IFT88: variants seen among roughly 807,000 people sequenced by gnomAD.
IFT88 encodes intraflagellar transport 88.
IFT88 carries 74 observed loss-of-function variants against 119.5 expected under a neutral mutation model. That is an observed-to-expected ratio of 0.62 (90% CI 0.51 to 0.75). IFT88 has a LOEUF of 0.75. Ranked by LOEUF, IFT88 falls within the 30% of genes least tolerant of loss-of-function variation. The pLI, the probability that IFT88 is intolerant of heterozygous loss-of-function variation, is 0.00. For synonymous variants in IFT88, 279 were observed against 316.7 expected, an observed-to-expected ratio of 0.88 and a Z score of 1.26; for missense variants, 961 against 977.7, an observed-to-expected ratio of 0.98 and a Z score of 0.23.
chr13:20,586,921 C>T (rs1377967844), intron 3 of IFT88, among the ~76,000 whole-genome samples: 2 of 151,478 alleles, frequency 1.3e-5, no homozygotes, highest in African/African-American at 2.4e-5. Flanking sequence ...TTTTTAACCT[C>T]TAATTACATT....
chr13:20,623,090 C>A (rs1206918500), intron 14 of IFT88, among the ~76,000 whole-genome samples: 2 of 152,160 alleles, frequency 1.3e-5, no homozygotes, highest in African/African-American at 4.8e-5. Flanking sequence ...CACTGAATAG[C>A]GTTGGCATCC....
chr13:20,669,527 G>A (rs2055415629), intron 23 of IFT88, among the ~76,000 whole-genome samples: 1 of 151,256 alleles, frequency 6.6e-6, no homozygotes, highest in African/African-American at 2.4e-5. Context: ...AGGTTCAAGC[G>A]ATTCTTCTGC....
At chr13:20,667,733 C>T (rs921243115) in intron 23 of IFT88, among the ~76,000 whole-genome samples, 3 of 151,864 alleles carry the variant, frequency 2.0e-5, no homozygotes, top group East Asian at 1.9e-4. Context: ...TGAGCCACCG[C>T]GCCCAGCCCA....
chr13:20,686,344 AT>A, intron 24 of IFT88, among the ~76,000 whole-genome samples: 1 of 152,354 alleles, frequency 6.6e-6, no homozygotes, highest in South Asian at 2.1e-4. Context: ...AAGTACTTTT[AT>A]TGGATCTTTA....
chr13:20,663,369 A>T, intron 22 of IFT88, 129 bp from the exon 23 acceptor site: 5 of 1,530,012 alleles, frequency 3.3e-6, no homozygotes, highest in Non-Finnish European at 4.4e-6. Context: ...ATTATTTTTC[A>T]GGAGAAAAAT....
intron 24 of IFT88, among the ~76,000 whole-genome samples, chr13:20,681,722 TG>T (rs1208836172): frequency 1.3e-5 from 2 of 152,260 alleles, no homozygotes; most frequent in Admixed American, 6.5e-5. Flanking sequence ...TGTGTGGAAT[TG>T]TAGCTGAGCA....
chr13:20,665,337 C>T (rs2054512962), intron 23 of IFT88, among the ~76,000 whole-genome samples: 1 of 151,992 alleles, frequency 6.6e-6, no homozygotes, highest in African/African-American at 2.4e-5. Flanking sequence ...CCAGTTATTA[C>T]CAAAATGCAA....
intron 13 of IFT88, among the ~76,000 whole-genome samples, chr13:20,610,822 T>C (rs1392145494): frequency 6.6e-6 from 1 of 152,110 alleles, no homozygotes; most frequent in Admixed American, 6.6e-5. Context: ...GTGAAACTGG[T>C]TTAACATGTA....
In IFT88 at chr13:20,663,609, C is replaced by A; in HGVS notation, c.2175+5C>A. ...ATGAAAGAAATAAGGGAACAGGTAT[C>A]TCATATGGGCCCCAAACTGCAGTCT... On this transcript the variant is annotated splice_donor_5th_base_variant and intron_variant, in intron 23 of 25. Transcript: ENST00000351808. 1.9e-6 allele frequency: 3 copies of A among 1,589,138 alleles called. No individual in the cohort carries two copies. The highest frequency in any genetic ancestry group is 2.6e-6 in the Non-Finnish European group (3 of 1,159,038).
intron 14 of IFT88, among the ~76,000 whole-genome samples, chr13:20,623,822 T>C (rs933535464): frequency 2.0e-5 from 3 of 152,228 alleles, no homozygotes; most frequent in African/African-American, 7.2e-5. Context: ...TGTTTTATAG[T>C]GTTCCATGTT....
At chr13:20,626,309 C>T (rs1375082759) in intron 15 of IFT88, among the ~76,000 whole-genome samples, 1 of 152,076 alleles carries the variant, frequency 6.6e-6, no homozygotes, top group Non-Finnish European at 1.5e-5. Context: ...ATCCGCCCGC[C>T]TCGGCCTCCC....
intron 3 of IFT88, among the ~76,000 whole-genome samples, chr13:20,584,912 A>G (rs1451102475): frequency 6.6e-6 from 1 of 152,184 alleles, no homozygotes; most frequent in Non-Finnish European, 1.5e-5. Flanking sequence ...TGCTACTGGC[A>G]CCTAGTGGGT....
At chr13:20,608,042 T>G in intron 13 of IFT88, 1 of 553,726 alleles carries the variant, frequency 1.8e-6, no homozygotes, top group Non-Finnish European at 3.5e-6. Context: ...ACCAATGGCC[T>G]CCTCTTCCCC....
At chr13:20,635,780 G>C (rs950538932) in intron 16 of IFT88, among the ~76,000 whole-genome samples, 1 of 152,004 alleles carries the variant, frequency 6.6e-6, no homozygotes, top group African/African-American at 2.4e-5. Context: ...TGCATACAGG[G>C]CTTAAAACCT....
chr13:20,619,058 G>A (rs1223501991), intron 14 of IFT88, among the ~76,000 whole-genome samples: 10 of 151,820 alleles, frequency 6.6e-5, no homozygotes, highest in East Asian at 3.9e-4. Flanking sequence ...GGGTTTCACC[G>A]TGTTAGCCAG....
intron 3 of IFT88, among the ~76,000 whole-genome samples, chr13:20,589,583 C>T (rs977736402): frequency 1.3e-5 from 2 of 152,126 alleles, no homozygotes; most frequent in African/African-American, 2.4e-5. Context: ...CACCTCAGAT[C>T]GTTCAAAAGT....
chr13:20,664,890 T>C (rs1040773221), intron 23 of IFT88, among the ~76,000 whole-genome samples: 9 of 152,048 alleles, frequency 5.9e-5, no homozygotes, highest in East Asian at 3.9e-4. Flanking sequence ...CCATCCTGGC[T>C]AACACACTGA....
At chr13:20,572,814 G>A (rs533027888) in intron 1 of IFT88, among the ~76,000 whole-genome samples, 171 of 152,182 alleles carry the variant, frequency 1.1e-3, no homozygotes, top group Non-Finnish European at 2.1e-3. Flanking sequence ...TCTCAGTTCT[G>A]ATGGTTTTCT....
chr13:20,648,816 A>G (rs531297718), intron 20 of IFT88, among the ~76,000 whole-genome samples: 23 of 152,342 alleles, frequency 1.5e-4, no homozygotes, highest in African/African-American at 5.5e-4. Context: ...GGTTGAAAGC[A>G]AAAGGATTGA....
Sources: allele counts gnomAD v4.1 joint callset (sites outside exome capture counted in the v4.1 genomes callset), GRCh38; gene constraint gnomAD v4.1.1; transcripts MANE v1.5; gene names NCBI Gene and HGNC (gene_info 2026-07-23, HGNC 2026-07-21).